The following PRKCA variants were observed in gnomAD, a reference collection of about 807,000 sequenced individuals.
PRKCA encodes protein kinase C alpha type.
In PRKCA, 27 loss-of-function variants were observed where a neutral mutation model predicts 87.0. That is an observed-to-expected ratio of 0.31 (90% confidence interval 0.23 to 0.43). PRKCA has a LOEUF of 0.43. Among genes scored for constraint, PRKCA ranks in the 20% least tolerant of loss-of-function variants. The probability of loss-of-function intolerance (pLI) is 1.00; values close to 1 mark genes in which losing one functional copy is unlikely to be tolerated. For missense variants in PRKCA, 518 were observed against 852.3 expected (o/e 0.61, Z 4.88); for synonymous variants, 329 against 311.1 (o/e 1.06, Z -0.61).
chr17:66,383,100 C>T (rs541665867), intron 2 of PRKCA, among the ~76,000 whole-genome samples: 8 of 126,382 alleles, frequency 6.3e-5, no homozygotes, highest in African/African-American at 1.9e-4. Context: ...AAAATTCACA[C>T]ATTTCTCTCC....
intron 2 of PRKCA, among the ~76,000 whole-genome samples, chr17:66,400,842 C>T (rs1910981562): frequency 6.6e-6 from 1 of 152,178 alleles, no homozygotes; most frequent in East Asian, 1.9e-4. Flanking sequence ...TTATGTCAAG[C>T]TTTTCTTCAT....
chr17:66,370,697 C>T (rs766883002), intron 2 of PRKCA, among the ~76,000 whole-genome samples: 4 of 151,846 alleles, frequency 2.6e-5, no homozygotes, highest in Non-Finnish European at 5.9e-5. Flanking sequence ...ACTACAGGTG[C>T]ATGCCACCAT....
At chr17:66,513,397 T>C (rs1221690876) in intron 3 of PRKCA, among the ~76,000 whole-genome samples, 8 of 152,222 alleles carry the variant, frequency 5.3e-5, no homozygotes, top group Non-Finnish European at 7.3e-5. Context: ...TTCTTCTTAA[T>C]CTTAATGTTT....
intron 2 of PRKCA, among the ~76,000 whole-genome samples, chr17:66,307,014 T>C (rs1433863865): frequency 6.6e-6 from 1 of 152,144 alleles, no homozygotes; most frequent in Non-Finnish European, 1.5e-5. Flanking sequence ...TAATATTAAG[T>C]GCATTAGAGA....
intron 3 of PRKCA, among the ~76,000 whole-genome samples, chr17:66,607,372 G>GCCTTTTAAAAGCAAGCAAGC (rs1970240001): frequency 6.6e-6 from 1 of 152,226 alleles, no homozygotes; most frequent in African/African-American, 2.4e-5. Flanking sequence ...AGCAAGCCAT[G>GCCTTTTAAAAGCAAGCAAGC]AACTGCCTTT....
intron 2 of PRKCA, among the ~76,000 whole-genome samples, chr17:66,327,668 C>A (rs925322962): frequency 6.6e-6 from 1 of 152,138 alleles, no homozygotes; most frequent in African/African-American, 2.4e-5. Flanking sequence ...TATTTCAATT[C>A]ATCTTTTCTG....
At chr17:66,794,829 G>C (rs1007952162) in intron 16 of PRKCA, among the ~76,000 whole-genome samples, 3 of 151,904 alleles carry the variant, frequency 2.0e-5, no homozygotes, top group Non-Finnish European at 4.4e-5. Flanking sequence ...TTGCCATGTT[G>C]GCCAGGCTGG....
chr17:66,738,823 G>A lies in PRKCA; in HGVS notation c.1290G>A (p.Gln430=). The change falls in exon 11 of 17, where the codon CAG becomes CAA. Residue 430 remains glutamine, a synonymous_variant. Transcript: ENST00000413366. ...GTGGGGACCTCATGTACCACATTCA[G>A]CAAGTAGGAAAATTTAAGGAACCAC... The part of the protein sequence containing the change: ...VNGGDLMYHI[Q]QVGKFKEPQA... The A allele has an allele frequency of 6.2e-7, 1 of 1,613,730 alleles. No individual in the cohort carries two copies.
At chr17:66,319,410 T>C (rs1905518170) in intron 2 of PRKCA, among the ~76,000 whole-genome samples, 1 of 152,238 alleles carries the variant, frequency 6.6e-6, no homozygotes, top group South Asian at 2.1e-4. Context: ...TGAAGAATTA[T>C]TAAAGGTCAA....
At chr17:66,728,437 G>C (rs545496360) in intron 8 of PRKCA, among the ~76,000 whole-genome samples, 1 of 152,228 alleles carries the variant, frequency 6.6e-6, no homozygotes, top group African/African-American at 2.4e-5. Context: ...AGCAGGAAGC[G>C]TGTGGCGTCC....
chr17:66,472,799 T>C (rs1291406354), intron 2 of PRKCA, among the ~76,000 whole-genome samples: 3 of 152,162 alleles, frequency 2.0e-5, no homozygotes, highest in African/African-American at 4.8e-5. Context: ...CCATGGGAAA[T>C]GACTATAGGT....
chr17:66,774,302 A>G, intron 14 of PRKCA: 1 of 1,361,458 alleles, frequency 7.3e-7, no homozygotes, highest in Non-Finnish European at 9.5e-7. Flanking sequence ...CCTGGAGTGT[A>G]GACAGTGTCA....
intron 8 of PRKCA, among the ~76,000 whole-genome samples, chr17:66,729,602 C>T (rs1973833871): frequency 6.6e-6 from 1 of 151,984 alleles, no homozygotes; most frequent in Non-Finnish European, 1.5e-5. Flanking sequence ...CAGGTGTTTC[C>T]ACTACATGCT....
At chr17:66,641,562 C>T in intron 4 of PRKCA, 96 bp downstream of exon 4, 1 of 731,988 alleles carries the variant, frequency 1.4e-6, no homozygotes, top group Non-Finnish European at 2.3e-6. Context: ...TCAACACCAA[C>T]TCTTCAGTAG....
intron 4 of PRKCA, 99 bp from the exon 5 acceptor site, chr17:66,645,284 G>T: frequency 6.5e-7 from 1 of 1,527,668 alleles, no homozygotes; most frequent in Non-Finnish European, 8.9e-7. Flanking sequence ...TATCGAGTTG[G>T]GGGTAACTCA....
intron 3 of PRKCA, among the ~76,000 whole-genome samples, chr17:66,608,409 C>T (rs1349492635): frequency 6.6e-6 from 1 of 152,220 alleles, no homozygotes; most frequent in African/African-American, 2.4e-5. Flanking sequence ...GGTCCAGATC[C>T]ATACTTAAAT....
chr17:66,470,212 TA>T lies in PRKCA; in HGVS notation c.206-25985del, dbSNP rs1208883310. ...TTGCTTTTTTTTTTTTTTTTTTTTTTAAAAGACAGAGTTTTGCTCTTTGGCC... is the reference window on the plus strand; with the variant it reads ...TTGCTTTTTTTTTTTTTTTTTTTTTTAAAGACAGAGTTTTGCTCTTTGGCC... On this transcript the variant is annotated intron_variant, in intron 2 of 16. Coordinates refer to ENST00000413366, the MANE Select transcript of PRKCA (RefSeq NM_002737.3). 1.4e-3 allele frequency among the ~76,000 whole-genome samples: 79 copies of T among 55,894 alleles called. 3 individuals carry two copies. Among genetic ancestry groups the T allele is most frequent in the Middle Eastern group, 0.02 (2 of 102 alleles). 36.7% of individuals were successfully genotyped at this position (55,894 alleles called of 152,430 possible). A position where few individuals can be genotyped will look rare whatever the true frequency, so the allele number is the denominator to read the frequency against.
intron 2 of PRKCA, among the ~76,000 whole-genome samples, chr17:66,454,497 T>A (rs1000914364): frequency 3.9e-5 from 6 of 152,188 alleles, no homozygotes; most frequent in Admixed American, 3.3e-4. Flanking sequence ...GTTTTCATGC[T>A]ACTGATAAAG....
At chr17:66,425,742 G>T (rs996798339) in intron 2 of PRKCA, among the ~76,000 whole-genome samples, 5 of 152,080 alleles carry the variant, frequency 3.3e-5, no homozygotes, top group African/African-American at 1.2e-4. Context: ...TTATTTGTTT[G>T]CGTGTATCTT....
Sources: allele counts gnomAD v4.1 joint callset (sites outside exome capture counted in the v4.1 genomes callset), GRCh38; gene constraint gnomAD v4.1.1; transcripts MANE v1.5; gene names NCBI Gene and HGNC (gene_info 2026-07-23, HGNC 2026-07-21).